The following CTNNA3 variants were observed in gnomAD, a reference collection of about 807,000 sequenced individuals.
CTNNA3 encodes catenin alpha-3.
In CTNNA3, 76 loss-of-function variants were observed where a neutral mutation model predicts 95.7. The observed-to-expected ratio is 0.79, with a 90% CI of 0.66 to 0.96. The LOEUF (loss-of-function observed/expected upper bound fraction) is 0.96, where lower values mean the gene tolerates loss of function less well. Among genes scored for constraint, CTNNA3 ranks in the 40% least tolerant of loss-of-function variants. The pLI is 0.00. For missense variants in CTNNA3, 1,191 were observed against 1,089.8 expected (o/e 1.09, Z -1.31); for synonymous variants, 431 against 374.4 (o/e 1.15, Z -1.74).
rs1296263060 is a variant in CTNNA3, at chr10:66,547,347, C to CTTTT, written c.1375-26578_1375-26575dup. ...TTGTTCCTTTGATTTTTCTTTCTTT[C>CTTTT]TTTTTTTTTTTTTTGAGATAGAGTC... On this transcript the variant is annotated intron_variant, in intron 10 of 17. Coordinates refer to ENST00000433211, the MANE Select transcript of CTNNA3 (RefSeq NM_013266.4). Among the ~76,000 whole-genome samples, 6 of 109,284 alleles carry CTTTT rather than the reference C, an allele frequency of 5.5e-5. 2 individuals are homozygous for CTTTT. In the Admixed American group the frequency reaches 5.9e-4, roughly 11 times the overall value. 71.7% of individuals were successfully genotyped at this position (109,284 alleles called of 152,430 possible).
At chr10:67,663,661 A>G (rs1318688589) in intron 1 of CTNNA3, among the ~76,000 whole-genome samples, 1 of 152,124 alleles carries the variant, frequency 6.6e-6, no homozygotes, top group African/African-American at 2.4e-5. Flanking sequence ...CTTCACAACC[A>G]CAGCCCTGGT....
At chr10:67,102,969 AC>A (rs141810881) in intron 7 of CTNNA3, among the ~76,000 whole-genome samples, 209 of 151,884 alleles carry the variant, frequency 1.4e-3, no homozygotes, top group African/African-American at 4.8e-3. Flanking sequence ...GATAAATTTG[AC>A]AAATAATTTT....
intron 5 of CTNNA3, among the ~76,000 whole-genome samples, chr10:67,413,220 C>T (rs1845429855): frequency 6.6e-6 from 1 of 152,074 alleles, no homozygotes; most frequent in South Asian, 2.1e-4. Context: ...CATTCTTCAT[C>T]ATTCAATTTT....
Position 66,845,710 on chromosome 10 carries a change from A to ATAAAT in CTNNA3, c.1048-70187_1048-70186insATTTA, listed in dbSNP as rs1248827088. 3.8e-4 allele frequency among the ~76,000 whole-genome samples: 33 copies of ATAAAT among 85,942 alleles called. 3 individuals carry two copies. The highest frequency in any genetic ancestry group is 5.9e-4 in the Non-Finnish European group (28 of 47,848). 56.4% of individuals were successfully genotyped at this position (85,942 alleles called of 152,430 possible). Reference sequence around the variant, plus strand: ...AACAGCAAAACTCTGTCTCAAAAAAAAAAAAAAAAAAAAAAAAAACTAAAA... The same window carrying ATAAAT: ...AACAGCAAAACTCTGTCTCAAAAAAATAAATAAAAAAAAAAAAAAAAAAACTAAAA... On this transcript the variant is annotated intron_variant, in intron 7 of 17. Coordinates refer to ENST00000433211, the MANE Select transcript of CTNNA3 (RefSeq NM_013266.4).
chr10:67,452,684 G>A (rs1052769265), intron 5 of CTNNA3, among the ~76,000 whole-genome samples: 1 of 152,176 alleles, frequency 6.6e-6, no homozygotes, highest in Non-Finnish European at 1.5e-5. Flanking sequence ...TGAAAATTCA[G>A]ATATGTCCAG....
chr10:67,502,589 G>T (rs964430754), intron 5 of CTNNA3, among the ~76,000 whole-genome samples: 8 of 152,198 alleles, frequency 5.3e-5, no homozygotes, highest in African/African-American at 1.9e-4. Context: ...TCCCCCAGGT[G>T]CTCTGTCCCA....
intron 5 of CTNNA3, among the ~76,000 whole-genome samples, chr10:67,417,798 A>G (rs1262228363): frequency 6.6e-6 from 1 of 152,154 alleles, no homozygotes; most frequent in Non-Finnish European, 1.5e-5. Flanking sequence ...TTATATTTAT[A>G]TCTCTCCATT....
chr10:66,468,977 C>A (rs1186189853), intron 11 of CTNNA3, among the ~76,000 whole-genome samples: 2 of 151,488 alleles, frequency 1.3e-5, no homozygotes, highest in Non-Finnish European at 2.9e-5. Flanking sequence ...TTGCATAAAA[C>A]TTTAAAAAAT....
chr10:67,405,602 C>T (rs974031486), intron 5 of CTNNA3, among the ~76,000 whole-genome samples: 1 of 152,070 alleles, frequency 6.6e-6, no homozygotes, highest in Non-Finnish European at 1.5e-5. Context: ...TAGTGGGAGA[C>T]TTTAAAACCC....
intron 13 of CTNNA3, among the ~76,000 whole-genome samples, chr10:66,156,270 A>C (rs1446866316): frequency 6.6e-6 from 1 of 151,944 alleles, no homozygotes; most frequent in Non-Finnish European, 1.5e-5. Context: ...GAAAGGAAAC[A>C]GGAGGGATCC....
intron 5 of CTNNA3, among the ~76,000 whole-genome samples, chr10:67,353,992 G>A (rs1331427262): frequency 6.6e-6 from 1 of 151,996 alleles, no homozygotes; most frequent in Non-Finnish European, 1.5e-5. Flanking sequence ...CTTTCAAACA[G>A]CAGCCCACTC....
In CTNNA3 at chr10:67,688,294, C is replaced by T. The variant is rs536093165; in HGVS notation, c.-6+7706G>A. On this transcript the variant is annotated intron_variant, in intron 1 of 17. Coordinates refer to ENST00000433211, the MANE Select transcript of CTNNA3 (RefSeq NM_013266.4). The stretch of plus-strand genomic sequence containing the variant: ...TGATAGCTCAGGGGTTTTTGTGGTC[C>T]TTTGGAGATTTCTTTGTTTGTTTCC... Among the ~76,000 whole-genome samples, 6 of 152,042 alleles carry T rather than the reference C, an allele frequency of 3.9e-5. No individual in the cohort carries two copies. The South Asian group carries it at 1.3e-3, about 32-fold the overall frequency.
At chr10:65,946,118 G>C (rs2077512903) in intron 17 of CTNNA3, among the ~76,000 whole-genome samples, 1 of 152,052 alleles carries the variant, frequency 6.6e-6, no homozygotes, top group African/African-American at 2.4e-5. Flanking sequence ...ACCTCTTTAA[G>C]TTGCAATTTT....
intron 13 of CTNNA3, among the ~76,000 whole-genome samples, chr10:66,230,269 T>G (rs180879122): frequency 1.3e-5 from 2 of 152,308 alleles, no homozygotes; most frequent in Admixed American, 1.3e-4. Context: ...CTCTTTCATG[T>G]TTTTCCTGTT....
intron 11 of CTNNA3, among the ~76,000 whole-genome samples, chr10:66,510,913 T>G (rs1481715824): frequency 6.6e-6 from 1 of 151,862 alleles, no homozygotes; most frequent in East Asian, 1.9e-4. Flanking sequence ...ACAGAATTAA[T>G]TAGGAAGAAT....
chr10:66,189,618 A>ATATATATATATATATG (rs199807873), intron 13 of CTNNA3, among the ~76,000 whole-genome samples: 1,900 of 58,420 alleles, frequency 0.033, 30 homozygotes, highest in African/African-American at 0.06. Flanking sequence ...ATATATATAT[A>ATATATATATATATATG]CACACATACA....
intron 12 of CTNNA3, among the ~76,000 whole-genome samples, chr10:66,321,554 G>A (rs1307115328): frequency 6.6e-6 from 1 of 152,000 alleles, no homozygotes; most frequent in African/African-American, 2.4e-5. Context: ...TCCTTTAAAT[G>A]TATTCTTTTA....
intron 9 of CTNNA3, among the ~76,000 whole-genome samples, chr10:66,633,455 C>A (rs973425347): frequency 1.3e-5 from 2 of 152,072 alleles, no homozygotes; most frequent in Admixed American, 6.5e-5. Context: ...CCAAGGCGGG[C>A]AGATCACGAG....
chr10:66,342,031 AC>A (rs1488600930), intron 12 of CTNNA3, among the ~76,000 whole-genome samples: 7 of 151,918 alleles, frequency 4.6e-5, no homozygotes, highest in Non-Finnish European at 8.8e-5. Flanking sequence ...AGTTTGAGAT[AC>A]AAGGATGGTT....
Sources: allele counts gnomAD v4.1 joint callset (sites outside exome capture counted in the v4.1 genomes callset), GRCh38; gene constraint gnomAD v4.1.1; transcripts MANE v1.5; gene names NCBI Gene and HGNC (gene_info 2026-07-23, HGNC 2026-07-21).